Variants in ERCC6L2 observed in about 807,000 individuals in gnomAD.
ERCC6L2 encodes DNA excision repair protein ERCC-6-like 2.
ERCC6L2 carries 77 observed loss-of-function variants against 132.0 expected under a neutral mutation model. The ratio of observed to expected loss-of-function variants is 0.58; its 90% CI spans 0.49 to 0.71. The LOEUF is 0.71. Ranked by LOEUF, ERCC6L2 falls within the 30% of genes least tolerant of loss-of-function variation. The pLI is 0.00. For missense variants in ERCC6L2, 1,542 were observed against 1,837.6 expected (o/e 0.84, Z 2.94); for synonymous variants, 583 against 632.4 (o/e 0.92, Z 1.17).
chr9:96,029,140 TA>T (rs747629056), intron 19 of ERCC6L2, among the ~76,000 whole-genome samples: 33 of 151,690 alleles, frequency 2.2e-4, no homozygotes, highest in African/African-American at 5.1e-4. Flanking sequence ...CCGTCTCTAC[TA>T]AAAATACAAA....
At chr9:95,941,850 CCTG>C (rs1830819041) in intron 12 of ERCC6L2, among the ~76,000 whole-genome samples, 1 of 152,062 alleles carries the variant, frequency 6.6e-6, no homozygotes, top group African/African-American at 2.4e-5. Context: ...TTGAGAAACT[CCTG>C]GAAGATAGAA....
At chr9:95,948,423 C>A (rs1490174745) in intron 12 of ERCC6L2, among the ~76,000 whole-genome samples, 2 of 152,072 alleles carry the variant, frequency 1.3e-5, no homozygotes, top group African/African-American at 4.8e-5. Flanking sequence ...GAGGCCAGGG[C>A]GGGTAGATCA....
chr9:95,987,705 G>A (rs1471468577), intron 17 of ERCC6L2, among the ~76,000 whole-genome samples: 2 of 152,186 alleles, frequency 1.3e-5, no homozygotes, highest in Admixed American at 6.5e-5. Context: ...CCATTATGGG[G>A]CCTGGAGTAT....
chr9:95,888,610 A>AGTGT (rs1439699442), intron 2 of ERCC6L2, among the ~76,000 whole-genome samples: 1 of 152,032 alleles, frequency 6.6e-6, no homozygotes, highest in African/African-American at 2.4e-5. Flanking sequence ...GGACCACCAT[A>AGTGT]GTGTGGTAAG....
chr9:95,979,231 G>A (rs1832793709), intron 17 of ERCC6L2, among the ~76,000 whole-genome samples: 1 of 152,064 alleles, frequency 6.6e-6, no homozygotes, highest in Middle Eastern at 3.2e-3. Context: ...AATGTGTGTG[G>A]GCAGTTTGGG....
At chr9:95,890,029 C>A (rs1325411426) in intron 2 of ERCC6L2, among the ~76,000 whole-genome samples, 1 of 152,046 alleles carries the variant, frequency 6.6e-6, no homozygotes, top group East Asian at 1.9e-4. Flanking sequence ...ATTTTCTGTT[C>A]ATTTGTCCAC....
At position 96,012,420 on chromosome 9, in the gene ERCC6L2, G is replaced by A. The variant is rs776010681; in HGVS notation, c.3870G>A (p.Glu1290=). 2 of 1,363,978 alleles carry A rather than the reference G, an allele frequency of 1.5e-6. No homozygotes were observed. The highest frequency in any genetic ancestry group is 3.8e-5 in the Admixed American group (2 of 52,414). The allele number at this position is 1,363,978 out of a possible 1,614,324, so 84.5% of individuals were successfully genotyped here. The change falls in exon 19 of 19, where the codon GAG becomes GAA. Residue 1290 remains glutamate, a synonymous_variant. Coordinates refer to ENST00000653738, the MANE Select transcript of ERCC6L2 (RefSeq NM_020207.7). Reference sequence around the variant, plus strand: ...ACAATTCTTCCTTTGAGAAAGGAGAGCAGCGCACCCGGAAGAAATCTGATA... The same window carrying A: ...ACAATTCTTCCTTTGAGAAAGGAGAACAGCGCACCCGGAAGAAATCTGATA... ...QFNNSSFEKG[E]QRTRKKSDKR...
chr9:95,921,343 C>T, intron 7 of ERCC6L2, 28 bp downstream of exon 7: 2 of 1,587,572 alleles, frequency 1.3e-6, no homozygotes, highest in Non-Finnish European at 1.7e-6. Context: ...TCTTTATAAT[C>T]ATGCTTTTGA....
chr9:96,021,372 G>C, downstream of ERCC6L2: 5 of 317,340 alleles, frequency 1.6e-5, no homozygotes, highest in Non-Finnish European at 3.0e-5. This position sits in a 1 kb window ranked among gnomAD's most constrained non-coding sequence, Gnocchi z 4.7. Context: ...ACACCTCGGG[G>C]AAGCCCAGTC....
At chr9:96,026,893 CAA>C (rs1834379065) in intron 19 of ERCC6L2, among the ~76,000 whole-genome samples, 1 of 145,230 alleles carries the variant, frequency 6.9e-6, no homozygotes, top group Admixed American at 6.8e-5. Flanking sequence ...ACACATACCA[CAA>C]CACACACTAC....
chr9:95,923,461 C>A, intron 9 of ERCC6L2, 82 bp downstream of exon 9: 1 of 1,493,078 alleles, frequency 6.7e-7, no homozygotes. Context: ...ACCAACTAAT[C>A]AGAACAGGTG....
chr9:95,940,851 T>C (rs1469239831), intron 11 of ERCC6L2, among the ~76,000 whole-genome samples: 1 of 152,182 alleles, frequency 6.6e-6, no homozygotes, highest in African/African-American at 2.4e-5. Flanking sequence ...AGTTGCTGAA[T>C]GTGGGACTCC....
intron 18 of ERCC6L2, among the ~76,000 whole-genome samples, chr9:96,008,051 C>G (rs1389339587): frequency 6.6e-6 from 1 of 152,150 alleles, no homozygotes; most frequent in Non-Finnish European, 1.5e-5. Context: ...CACTGCCACA[C>G]AGTGTACCTA....
At chr9:95,943,634 A>T (rs956581864) in intron 12 of ERCC6L2, among the ~76,000 whole-genome samples, 23 of 152,320 alleles carry the variant, frequency 1.5e-4, no homozygotes, top group African/African-American at 5.5e-4. Flanking sequence ...TCTAGAATAT[A>T]AAAAGAACTC....
At chr9:96,008,580 A>G (rs1833934238) in intron 18 of ERCC6L2, among the ~76,000 whole-genome samples, 1 of 152,134 alleles carries the variant, frequency 6.6e-6, no homozygotes, top group Non-Finnish European at 1.5e-5. Context: ...TTATGTCACA[A>G]CCTGCACCAG....
intron 13 of ERCC6L2, among the ~76,000 whole-genome samples, chr9:95,959,062 A>T (rs1831765898): frequency 1.3e-5 from 2 of 152,174 alleles, no homozygotes; most frequent in Admixed American, 1.3e-4. Context: ...AAGAGCCTGC[A>T]TCGCCAAGTC....
At chr9:95,968,655 A>T (rs1413061998) in intron 14 of ERCC6L2, 1 of 152,164 alleles carries the variant, frequency 6.6e-6, no homozygotes, top group Non-Finnish European at 1.5e-5. Context: ...TTATAATCTT[A>T]TGATTTCTGG....
chr9:95,948,161 A>G (rs1198428667), intron 12 of ERCC6L2, among the ~76,000 whole-genome samples: 1 of 152,228 alleles, frequency 6.6e-6, no homozygotes, highest in Non-Finnish European at 1.5e-5. Flanking sequence ...TCTAGATACC[A>G]TTTAAGAACA....
In ERCC6L2 at chr9:96,013,930, G is replaced by A. The variant is rs1438556408; in HGVS notation, c.*727G>A. The stretch of plus-strand genomic sequence containing the variant: ...TTTAATGTAAATAAAGGTTTGTATA[G>A]TACTTTTGTAGTTCTTAAGTATGAA... On this transcript the variant is annotated 3_prime_UTR_variant, in exon 19 of 19. Transcript: ENST00000653738. 1.3e-5 allele frequency: 2 copies of A among 152,114 alleles called. No homozygotes were observed. Among genetic ancestry groups the A allele is most frequent in the Admixed American group, 1.3e-4 (2 of 15,280 alleles). 9.4% of individuals were successfully genotyped at this position (152,114 alleles called of 1,614,324 possible).
Sources: gnomAD v4.1 joint callset for allele counts (sites outside exome capture counted in the v4.1 genomes callset) on GRCh38, gnomAD v4.1.1 for gene constraint, Gnocchi (gnomAD v3.1) non-coding constraint, MANE v1.5 for transcripts, NCBI Gene and HGNC (gene_info 2026-07-23, HGNC 2026-07-21) for gene names.